The following CREB3L2 variants were observed in gnomAD, a reference collection of about 807,000 sequenced individuals.
CREB3L2 encodes cAMP responsive element binding protein 3 like 2, also known as cyclic AMP-responsive element-binding protein 3-like protein 2.
Under a neutral mutation model 57.2 loss-of-function variants are expected in CREB3L2, and 23 were observed. That is an observed-to-expected ratio of 0.40 (90% CI 0.29 to 0.57). The LOEUF (loss-of-function observed/expected upper bound fraction) is 0.57, where lower values mean the gene tolerates loss of function less well. CREB3L2 is among the 20% of genes least tolerant of loss of function. The pLI, the probability that CREB3L2 is intolerant of heterozygous loss-of-function variation, is 0.42. For synonymous variants in CREB3L2, 268 were observed against 265.1 expected (o/e 1.01, Z -0.11); for missense variants, 628 against 634.7 (o/e 0.99, Z 0.11).
intron 1 of CREB3L2, among the ~76,000 whole-genome samples, chr7:137,961,190 A>C (rs958915373): frequency 2.5e-5 from 3 of 119,970 alleles, no homozygotes; most frequent in African/African-American, 9.7e-5. Context: ...TCCAAATTAT[A>C]AACTGGGGGG....
chr7:137,956,635 C>T (rs1028701544), intron 1 of CREB3L2: 6 of 1,288,876 alleles, frequency 4.7e-6, no homozygotes, highest in Non-Finnish European at 6.1e-6. Flanking sequence ...CTCGAGAAGC[C>T]AGCAGCCCAG....
chr7:137,962,388 G>A (rs1462726623), intron 1 of CREB3L2, among the ~76,000 whole-genome samples: 2 of 152,104 alleles, frequency 1.3e-5, no homozygotes, highest in Non-Finnish European at 2.9e-5. Flanking sequence ...AATCTCATCA[G>A]GATGAACAAA....
chr7:137,999,309 T>C (rs1311932747), intron 1 of CREB3L2, among the ~76,000 whole-genome samples: 1 of 151,912 alleles, frequency 6.6e-6, no homozygotes, highest in Non-Finnish European at 1.5e-5. Context: ...GTTCTACTTA[T>C]ACGTTTTCCA....
chr7:137,882,718 G>A (rs1799323934), intron 10 of CREB3L2, 90 bp from the exon 11 acceptor site: 1 of 880,982 alleles, frequency 1.1e-6, no homozygotes. Context: ...GCTGGTGGCA[G>A]ATGACAATGT....
chr7:137,920,864 C>A (rs1871215), intron 2 of CREB3L2, among the ~76,000 whole-genome samples: 7,983 of 152,322 alleles, frequency 0.052, 445 homozygotes, highest in East Asian at 0.18. Context: ...GGCTTGTACT[C>A]TCTTACTCAA....
chr7:137,961,065 A>G (rs1801313886), intron 1 of CREB3L2, among the ~76,000 whole-genome samples: 1 of 151,804 alleles, frequency 6.6e-6, no homozygotes. Context: ...TTGGCCTCCC[A>G]AGAATTATTT....
intron 1 of CREB3L2, chr7:137,956,743 C>G (rs10260415): frequency 0.12 from 95,923 of 800,022 alleles, 7,046 homozygotes; most frequent in Admixed American, 0.28. Context: ...GTTGGGCAAA[C>G]ATTTGCGATT....
chr7:137,982,564 T>C (rs927836597), intron 1 of CREB3L2, among the ~76,000 whole-genome samples: 1 of 152,204 alleles, frequency 6.6e-6, no homozygotes, highest in Non-Finnish European at 1.5e-5. Context: ...CAAGATCTGA[T>C]GGTTTTATAA....
intron 1 of CREB3L2, chr7:137,956,713 C>T: frequency 9.0e-7 from 1 of 1,110,550 alleles, no homozygotes; most frequent in Non-Finnish European, 1.2e-6. Context: ...ATTTCACAAT[C>T]CAGGTTCTGA....
At chr7:137,904,130 C>T in intron 6 of CREB3L2, 113 bp from the exon 7 acceptor site, 1 of 865,512 alleles carries the variant, frequency 1.2e-6, no homozygotes, top group Non-Finnish European at 1.9e-6. Flanking sequence ...CTTCTGCAAG[C>T]TGCTTGCCAT....
chr7:137,893,190 CT>C (rs1231886372), intron 8 of CREB3L2, among the ~76,000 whole-genome samples: 1 of 152,206 alleles, frequency 6.6e-6, no homozygotes, highest in Non-Finnish European at 1.5e-5. Context: ...ATATTACCTA[CT>C]GGCCCAGGAA....
chr7:137,981,625 G>C (rs1801713037), intron 1 of CREB3L2, among the ~76,000 whole-genome samples: 1 of 152,210 alleles, frequency 6.6e-6, no homozygotes, highest in Admixed American at 6.5e-5. Flanking sequence ...CAGTTAGCCA[G>C]GCAGGCAGTG....
At chr7:137,882,264 T>C in intron 11 of CREB3L2, 148 bp downstream of exon 11, 1 of 578,266 alleles carries the variant, frequency 1.7e-6, no homozygotes, top group East Asian at 2.8e-5. Flanking sequence ...ACAGACTCTC[T>C]GCAGTCCCAG....
rs1799689072 is a variant in CREB3L2, at chr7:137,899,075, GAAAAGGA to G, written c.1043+2272_1043+2278del. ...AGAAAGAAAAAGAAAGAGAAAGAAA[GAAAAGGA>G]AGAAAAAGGAAAGAGAAGGAAGGAA... On this transcript the variant is annotated intron_variant, in intron 8 of 11. Transcript: ENST00000330387. Among the ~76,000 whole-genome samples the G allele has an allele frequency of 5.2e-5, 5 of 95,594 alleles. No individual in the cohort carries two copies. In the South Asian group the frequency reaches 1.3e-3, roughly 25 times the overall value. The allele number at this position is 95,594 out of a possible 152,430, so 62.7% of individuals were successfully genotyped here.
At chr7:137,927,640 T>C (rs1800503074) in intron 2 of CREB3L2, among the ~76,000 whole-genome samples, 1 of 151,938 alleles carries the variant, frequency 6.6e-6, no homozygotes, top group Non-Finnish European at 1.5e-5. Flanking sequence ...CTCATGGCAT[T>C]GATGATGGGC....
At chr7:137,882,674 G>A in intron 10 of CREB3L2, 46 bp from the exon 11 acceptor site, 1 of 1,346,020 alleles carries the variant, frequency 7.4e-7, no homozygotes. Flanking sequence ...AGACCACAGG[G>A]GTCCAACACA....
intron 1 of CREB3L2, among the ~76,000 whole-genome samples, chr7:137,942,864 CAA>C (rs2117260225): frequency 6.6e-6 from 1 of 152,168 alleles, no homozygotes; most frequent in South Asian, 2.1e-4. Flanking sequence ...CTTCTAGTCA[CAA>C]AAGATTATTT....
chr7:137,960,818 T>TTTTG (rs1801307126), intron 1 of CREB3L2, among the ~76,000 whole-genome samples: 1 of 138,410 alleles, frequency 7.2e-6, no homozygotes, highest in African/African-American at 2.7e-5. Flanking sequence ...TCTTTTTTTT[T>TTTTG]TTTTTTTTTT....
chr7:137,998,131 T>C (rs1802021379), intron 1 of CREB3L2, among the ~76,000 whole-genome samples: 1 of 152,238 alleles, frequency 6.6e-6, no homozygotes, highest in Non-Finnish European at 1.5e-5. Flanking sequence ...TTCATTATTT[T>C]GTAGACTCTG....
Sources: gnomAD v4.1 joint callset for allele counts (sites outside exome capture counted in the v4.1 genomes callset) on GRCh38, gnomAD v4.1.1 for gene constraint, MANE v1.5 for transcripts, NCBI Gene and HGNC (gene_info 2026-07-23, HGNC 2026-07-21) for gene names.